The following B4GALT1 variants were observed in gnomAD, a reference collection of about 807,000 sequenced individuals.
B4GALT1 encodes the protein N-acetyllactosamine synthase.
A neutral mutation model predicts 34.9 loss-of-function variants in B4GALT1; 16 were observed. The observed-to-expected ratio is 0.46, with a 90% confidence interval of 0.31 to 0.70. B4GALT1 has a LOEUF of 0.70. B4GALT1 is among the 30% of genes least tolerant of loss of function. The pLI is 0.05. For missense variants in B4GALT1, 445 were observed against 530.5 expected (o/e 0.84, Z 1.58); for synonymous variants, 221 against 218.1 (o/e 1.01, Z -0.12).
Position 33,166,655 on chromosome 9 carries a change from TGGCTGTCGTA to T in B4GALT1, c.412+93_412+102del. ...AAACTCTGATCCAGAAGAGGGAGGC[TGGCTGTCGTA>T]GAAGAGCCAGCCTGAGGGAATGTCT... is the stretch of plus-strand genomic sequence containing the variant. On this transcript the variant is annotated intron_variant, in intron 1 of 5. Transcript: ENST00000379731. 4 of 1,267,810 alleles carry T rather than the reference TGGCTGTCGTA, an allele frequency of 3.2e-6. No individual in the cohort carries two copies. The East Asian group carries it at 1.0e-4, about 33-fold the overall frequency. The allele number at this position is 1,267,810 out of a possible 1,614,324, so 78.5% of individuals were successfully genotyped here.
intron 2 of B4GALT1, among the ~76,000 whole-genome samples, chr9:33,134,973 C>T (rs915004218): frequency 1.3e-5 from 2 of 152,154 alleles, no homozygotes; most frequent in African/African-American, 2.4e-5. Flanking sequence ...GAAAACACTC[C>T]AGCATTTCCC....
exon 3 of B4GALT1, chr9:33,104,633 C>T: frequency 2.4e-6 from 1 of 414,454 alleles, no homozygotes; most frequent in Non-Finnish European, 4.7e-6. Flanking sequence ...ACTGGCCAAT[C>T]CTCCTCAGGT....
chr9:33,172,588 C>T, the B4GALT1 span, among the ~76,000 whole-genome samples: 1 of 152,138 alleles, frequency 6.6e-6, no homozygotes, highest in Non-Finnish European at 1.5e-5. Context: ...TCATTGTTTT[C>T]TTTAACTCTT....
chr9:33,104,763 GT>G lies in B4GALT1; in HGVS notation c.666del (p.Arg222SerfsTer30), dbSNP rs1839781860. ...ACCAGGCGAAGCCTTCACCACAGGA[GT>G]CTTCTTATTTTTTCATACTGTGGTA... On this transcript the variant is annotated frameshift_variant, in exon 3 of 3. Transcript: ENST00000535206. LOFTEE classifies it high-confidence loss of function. 1 of 455,672 alleles carries G rather than the reference GT, an allele frequency of 2.2e-6. No individual in the cohort carries two copies. The allele number at this position is 455,672 out of a possible 1,614,324, so 28.2% of individuals were successfully genotyped here.
chr9:33,107,710 T>C (rs10758187), downstream of B4GALT1, among the ~76,000 whole-genome samples: 108,314 of 152,016 alleles, frequency 0.71, 38,783 homozygotes, highest in Middle Eastern at 0.81. Flanking sequence ...GAGCATTTCT[T>C]GAGGAAATGG....
At chr9:33,104,224 G>A (rs1839776580) in exon 3 of B4GALT1, 1 of 152,702 alleles carries the variant, frequency 6.5e-6, no homozygotes, top group African/African-American at 2.4e-5. Flanking sequence ...TCTGCTTCCT[G>A]ACACCAGGGG....
chr9:33,113,683 C>A, intron 5 of B4GALT1, 91 bp downstream of exon 5: 1 of 1,607,284 alleles, frequency 6.2e-7, no homozygotes, highest in African/African-American at 1.3e-5. Context: ...TGTAACCTGA[C>A]CACCTCAATT....
downstream of B4GALT1, among the ~76,000 whole-genome samples, chr9:33,107,086 A>C (rs1587723042): frequency 6.6e-6 from 1 of 151,926 alleles, no homozygotes; most frequent in African/African-American, 2.4e-5. Flanking sequence ...CAGTCTATTG[A>C]CCCTGTCACT....
upstream of B4GALT1, among the ~76,000 whole-genome samples, chr9:33,169,917 A>G (rs1220747857): frequency 2.0e-5 from 3 of 150,950 alleles, no homozygotes. Context: ...AATCAGCTTC[A>G]TGAGAACAGG....
upstream of B4GALT1, among the ~76,000 whole-genome samples, chr9:33,168,596 CT>C (rs530756767): frequency 8.7e-4 from 133 of 152,348 alleles, 1 homozygote; most frequent in Non-Finnish European, 1.4e-3. Context: ...ACAGAATCAA[CT>C]TTCCTCACTT....
intron 1 of B4GALT1, among the ~76,000 whole-genome samples, chr9:33,161,102 A>C (rs1022326541): frequency 2.6e-5 from 4 of 151,960 alleles, no homozygotes; most frequent in Non-Finnish European, 5.9e-5. Context: ...GTGGATAGAG[A>C]AGCAGCTACA....
Position 33,113,442 on chromosome 9 carries a change from T to C in B4GALT1, c.*12A>G. The C allele has an allele frequency of 6.2e-7, 1 of 1,614,134 alleles. No individual in the cohort carries two copies. Among genetic ancestry groups the C allele is most frequent in the Non-Finnish European group, 8.5e-7 (1 of 1,180,004 alleles). On this transcript the variant is annotated 3_prime_UTR_variant, in exon 6 of 6. Transcript: ENST00000379731. ...TGGCTAATTTCAGGTCTCTTATCCG[T>C]GTACCAAAACGCTAGCTCGGTGTCC...
chr9:33,128,606 G>A (rs373992468), intron 2 of B4GALT1, among the ~76,000 whole-genome samples: 138 of 152,222 alleles, frequency 9.1e-4, no homozygotes, highest in African/African-American at 3.2e-3. Context: ...AGCTCCAAAG[G>A]GTCCAAGTGC....
At chr9:33,129,053 G>A (rs1305750987) in intron 2 of B4GALT1, among the ~76,000 whole-genome samples, 1 of 152,164 alleles carries the variant, frequency 6.6e-6, no homozygotes, top group Non-Finnish European at 1.5e-5. Flanking sequence ...GAGTCCTCAG[G>A]GCAGCCCTCC....
At position 33,111,479 on chromosome 9, in the gene B4GALT1, G is replaced by A. The variant is rs371446418; in HGVS notation, c.*1975C>T. The A allele has an allele frequency of 1.0e-4, 16 of 152,674 alleles. 2 individuals carry two copies. The highest frequency in any genetic ancestry group is 3.6e-4 in the African/African-American group (15 of 41,558). 9.5% of individuals were successfully genotyped at this position (152,674 alleles called of 1,614,324 possible). ...TTTAATAATATCCTTGGTATAGAGT[G>A]GGGAACTGACAGAGAAATACTTTTT... is the stretch of plus-strand genomic sequence containing the variant. On this transcript the variant is annotated 3_prime_UTR_variant, in exon 6 of 6. Coordinates refer to ENST00000379731, the MANE Select transcript of B4GALT1 (RefSeq NM_001497.4).
the B4GALT1 span, among the ~76,000 whole-genome samples, chr9:33,180,489 T>G: frequency 6.6e-6 from 1 of 152,220 alleles, no homozygotes; most frequent in Non-Finnish European, 1.5e-5. Flanking sequence ...TTCCTATAAG[T>G]TGACTTGAAT....
chr9:33,107,793 G>A (rs1001770767), downstream of B4GALT1, among the ~76,000 whole-genome samples: 3 of 151,944 alleles, frequency 2.0e-5, no homozygotes, highest in Non-Finnish European at 4.4e-5. Context: ...CCATGGGGAG[G>A]GGGTTAAACC....
At chr9:33,126,276 T>G (rs1840094733) in intron 2 of B4GALT1, among the ~76,000 whole-genome samples, 1 of 152,098 alleles carries the variant, frequency 6.6e-6, no homozygotes, top group African/African-American at 2.4e-5. Flanking sequence ...GACGGGGCAT[T>G]CCTATAGGCC....
chr9:33,123,357 T>A (rs1187554745), intron 2 of B4GALT1, among the ~76,000 whole-genome samples: 6 of 150,152 alleles, frequency 4.0e-5, no homozygotes, highest in African/African-American at 1.5e-4. Flanking sequence ...ATTATTATAA[T>A]ATACTGTGAA....
Sources: gnomAD v4.1 joint callset for allele counts (sites outside exome capture counted in the v4.1 genomes callset) on GRCh38, gnomAD v4.1.1 for gene constraint, MANE v1.5 for transcripts, NCBI Gene and HGNC (gene_info 2026-07-23, HGNC 2026-07-21) for gene names.